The following SLC38A11 variants were observed in gnomAD, a reference collection of about 807,000 sequenced individuals.
The protein encoded by SLC38A11 is solute carrier family 38 member 11, also known as putative sodium-coupled neutral amino acid transporter 11.
A neutral mutation model predicts 49.4 loss-of-function variants in SLC38A11; 51 were observed. That is an observed-to-expected ratio of 1.03 (90% CI 0.83 to 1.30). The LOEUF (loss-of-function observed/expected upper bound fraction) is 1.30, where lower values mean the gene tolerates loss of function less well. Ranked by LOEUF, SLC38A11 falls within the 50% of genes most tolerant of loss-of-function variation. The pLI is 0.00. For missense variants in SLC38A11, 574 were observed against 556.2 expected, an observed-to-expected ratio of 1.03 and a Z score of -0.32; for synonymous variants, 203 against 192.9, an observed-to-expected ratio of 1.05 and a Z score of -0.43.
Position 164,897,583 on chromosome 2 carries a change from G to C in SLC38A11, c.*854C>G, listed in dbSNP as rs1684398669. 6.6e-6 allele frequency: 1 copy of C among 152,200 alleles called. No individual in the cohort carries two copies. The highest frequency in any genetic ancestry group is 6.6e-5 in the Admixed American group (1 of 15,252). 9.4% of individuals were successfully genotyped at this position (152,200 alleles called of 1,614,324 possible). On this transcript the variant is annotated 3_prime_UTR_variant, in exon 12 of 12. Transcript: ENST00000685975. ...CAGAAATCTCTCTGAGGAACCCCCA[G>C]TGGACTGAGAAAGCTTCTTCTGTAG...
rs762106945 is a variant in SLC38A11 at position 164,952,781 on chromosome 2, C to CTGTGTTTGTTAA, written c.155-1_155insTTAACAAACACA (p.Gly52delinsValAsnLysHisArg). 8.2e-6 allele frequency: 13 copies of CTGTGTTTGTTAA among 1,593,270 alleles called. No individual in the cohort carries two copies. The South Asian group carries it at 1.5e-4, about 19-fold the overall frequency. On this transcript the variant is annotated protein_altering_variant and splice_region_variant. Transcript: ENST00000685975. ...AGCTTGCTTCATTGAATAAGGCAAT[C>CTGTGTTTGTTAA]CTGAAAAAACATAAAATGCCCCACC... is the stretch of plus-strand genomic sequence containing the variant.
rs1687449273 is a variant in SLC38A11 at position 164,937,441 on chromosome 2, A to G, written c.538-12T>C. 1 of 1,534,594 alleles carries G rather than the reference A, an allele frequency of 6.5e-7. No homozygotes were observed. The highest frequency in any genetic ancestry group is 9.0e-7 in the Non-Finnish European group (1 of 1,109,976). ...GAGATGAGGGAGACCTGTAAAAGAA[A>G]ATACAAGGATATTGCCGGTTTAGGA... On this transcript the variant is annotated splice_polypyrimidine_tract_variant and intron_variant, in intron 6 of 11. Coordinates refer to ENST00000685975, the MANE Select transcript of SLC38A11 (RefSeq NM_001351537.2).
chr2:164,935,057 C>G (rs373005190), intron 7 of SLC38A11, among the ~76,000 whole-genome samples: 1 of 152,124 alleles, frequency 6.6e-6, no homozygotes, highest in Non-Finnish European at 1.5e-5. Flanking sequence ...TTTTCTTCCT[C>G]CAGGAAACCT....
In SLC38A11 at chr2:164,898,450, C is replaced by G; in HGVS notation, c.1376G>C (p.Ser459Thr). ...QTTQLSTLNI[S>T]IFQ ...AAAGCAGTCAACTCATTGAAAGATA[C>G]TAATATTTAAAGTAGAAAGTTGTGT... The change falls in exon 12 of 12, where the codon AGT becomes ACT. Residue 459 changes from serine to threonine, a missense_variant. By Grantham distance (58) the Ser-to-Thr change is moderately conservative (BLOSUM62 1). Coordinates refer to ENST00000685975, the MANE Select transcript of SLC38A11 (RefSeq NM_001351537.2). The G allele has an allele frequency of 6.2e-7, 1 of 1,609,962 alleles. No homozygotes were observed. The highest frequency in any genetic ancestry group is 1.7e-5 in the Admixed American group (1 of 59,774).
chr2:164,948,796 C>T lies in SLC38A11; in HGVS notation c.230-3069G>A, dbSNP rs1688309370. On this transcript the variant is annotated intron_variant, in intron 3 of 11. Transcript: ENST00000685975. The stretch of plus-strand genomic sequence containing the variant: ...CTTCCCCTCTCTCCATTTGCAAACA[C>T]CAACCCTACACTTTAGCCAGACTAA... 2.0e-5 allele frequency among the ~76,000 whole-genome samples: 3 copies of T among 152,142 alleles called. No individual in the cohort carries two copies. The South Asian group carries it at 6.2e-4, about 31-fold the overall frequency.
intron 7 of SLC38A11, among the ~76,000 whole-genome samples, chr2:164,927,087 T>C (rs1686653932): frequency 6.6e-6 from 1 of 152,040 alleles, no homozygotes; most frequent in Non-Finnish European, 1.5e-5. Flanking sequence ...ATAGATGAGA[T>C]TAGCACCCTT....
At chr2:164,924,245 A>G (rs1049170259) in intron 7 of SLC38A11, among the ~76,000 whole-genome samples, 1 of 152,194 alleles carries the variant, frequency 6.6e-6, no homozygotes, top group Non-Finnish European at 1.5e-5. Flanking sequence ...ATGTTCTCAC[A>G]TATAAGTAGG....
intron 7 of SLC38A11, among the ~76,000 whole-genome samples, chr2:164,924,569 C>T (rs1464968535): frequency 6.6e-6 from 1 of 151,972 alleles, no homozygotes; most frequent in Non-Finnish European, 1.5e-5. Flanking sequence ...GTAAGAAAAG[C>T]TTGATGCAAA....
rs202164039 is a variant in SLC38A11, at chr2:164,952,776, G to A, written c.160C>T (p.Pro54Ser). Residue 54 changes from proline (P) to serine (S), a missense_variant, in exon 3 of 12, where the codon CCT becomes TCT. Pro to Ser is a moderately conservative substitution (Grantham distance 74). Coordinates refer to ENST00000685975, the MANE Select transcript of SLC38A11 (RefSeq NM_001351537.2). ...SIIGSGIIGL[P>S]YSMKQAGFPL... is the part of the protein sequence containing the mutation. ...AACCCAGCTTGCTTCATTGAATAAG[G>A]CAATCCTGAAAAAACATAAAATGCC... 63 of 1,596,188 alleles carry A rather than the reference G, an allele frequency of 3.9e-5. No individual in the cohort carries two copies. The African/African-American group carries it at 8.2e-4, about 21-fold the overall frequency.
chr2:164,899,015 A>G (rs2105439268), intron 11 of SLC38A11, among the ~76,000 whole-genome samples: 2 of 152,306 alleles, frequency 1.3e-5, no homozygotes, highest in South Asian at 4.1e-4. Flanking sequence ...AGCAGATAAT[A>G]GGACTGACTT....
intron 7 of SLC38A11, among the ~76,000 whole-genome samples, chr2:164,922,642 T>A (rs982175293): frequency 6.6e-6 from 1 of 152,160 alleles, no homozygotes; most frequent in African/African-American, 2.4e-5. Flanking sequence ...TCAATATCAT[T>A]AAAAGAACTA....
rs545105412 is a variant in SLC38A11 at position 164,929,931 on chromosome 2, A to G, written c.617+7419T>C. ...ACCAAAATCAGAGCTGAAGGATTTG[A>G]AACACAAAAAACATTCAAAAGATCA... is the stretch of plus-strand genomic sequence containing the variant. On this transcript the variant is annotated intron_variant, in intron 7 of 11. Coordinates refer to ENST00000685975, the MANE Select transcript of SLC38A11 (RefSeq NM_001351537.2). Among the ~76,000 whole-genome samples the G allele has an allele frequency of 7.2e-5, 11 of 152,264 alleles. No individual in the cohort carries two copies. The East Asian group carries it at 1.7e-3, about 24-fold the overall frequency.
chr2:164,950,405 T>TA (rs1395714842), intron 3 of SLC38A11, among the ~76,000 whole-genome samples: 2 of 152,186 alleles, frequency 1.3e-5, no homozygotes, highest in Non-Finnish European at 2.9e-5. Context: ...AATGATCACT[T>TA]AAAGGTAAAG....
intron 7 of SLC38A11, among the ~76,000 whole-genome samples, chr2:164,931,686 T>C (rs1687018761): frequency 6.6e-6 from 1 of 152,186 alleles, no homozygotes; most frequent in Non-Finnish European, 1.5e-5. Flanking sequence ...CACTCCTTAT[T>C]CAATAAATGA....
chr2:164,911,917 A>G (rs895890358), intron 9 of SLC38A11, 169 bp from the exon 10 acceptor site: 1 of 451,528 alleles, frequency 2.2e-6, no homozygotes, highest in Non-Finnish European at 3.9e-6. Flanking sequence ...ATACATAAAT[A>G]CTTTCCATTC....
intron 5 of SLC38A11, among the ~76,000 whole-genome samples, chr2:164,943,344 G>A (rs1687907519): frequency 6.6e-6 from 1 of 152,178 alleles, no homozygotes; most frequent in South Asian, 2.1e-4. Context: ...CGACACAAAT[G>A]TCCCTGAACT....
At chr2:164,922,620 G>A (rs973505284) in intron 7 of SLC38A11, among the ~76,000 whole-genome samples, 9 of 152,098 alleles carry the variant, frequency 5.9e-5, no homozygotes, top group East Asian at 3.9e-4. Context: ...CTTCGCTTGC[G>A]GATTGGAAGA....
intron 7 of SLC38A11, among the ~76,000 whole-genome samples, chr2:164,933,782 G>A (rs889543373): frequency 6.6e-6 from 1 of 152,082 alleles, no homozygotes; most frequent in Non-Finnish European, 1.5e-5. Flanking sequence ...AAGCCTGCCT[G>A]ACTAGCTACC....
At chr2:164,948,484 T>C (rs1374883716) in intron 3 of SLC38A11, among the ~76,000 whole-genome samples, 2 of 152,180 alleles carry the variant, frequency 1.3e-5, no homozygotes, top group Non-Finnish European at 2.9e-5. Flanking sequence ...AGTAAATAGA[T>C]CTCTACAGAA....
Sources: allele counts gnomAD v4.1 joint callset (sites outside exome capture counted in the v4.1 genomes callset), GRCh38; gene constraint gnomAD v4.1.1; transcripts MANE v1.5; gene names NCBI Gene and HGNC (gene_info 2026-07-23, HGNC 2026-07-21).